The following CEACAM5 variants were observed in gnomAD, a reference collection of about 807,000 sequenced individuals.
The protein encoded by CEACAM5 is CEA cell adhesion molecule 5, also known as cell adhesion molecule CEACAM5.
A neutral mutation model predicts 63.0 loss-of-function variants in CEACAM5; 52 were observed. The ratio of observed to expected loss-of-function variants is 0.83; its 90% CI spans 0.66 to 1.04. The LOEUF is 1.04. Ranked by LOEUF, CEACAM5 falls within the 50% of genes least tolerant of loss-of-function variation. The pLI is 0.00. For synonymous variants in CEACAM5, 357 were observed against 351.3 expected (o/e 1.02, Z -0.18); for missense variants, 790 against 864.8 (o/e 0.91, Z 1.08).
At chr19:41,723,943 T>G (rs1410947964) in intron 8 of CEACAM5, among the ~76,000 whole-genome samples, 1 of 128,244 alleles carries the variant, frequency 7.8e-6, no homozygotes, top group Non-Finnish European at 1.6e-5. Context: ...AGCGAGACTC[T>G]GTCAAAAAAA....
intron 2 of CEACAM5, among the ~76,000 whole-genome samples, chr19:41,711,592 G>T (rs1353221621): frequency 1.3e-5 from 2 of 152,064 alleles, no homozygotes; most frequent in Non-Finnish European, 2.9e-5. Flanking sequence ...TGACTCTGGG[G>T]TTCCTTGGCC....
At chr19:41,720,741 C>T (rs1441367864) in intron 7 of CEACAM5, among the ~76,000 whole-genome samples, 181 bp from the exon 8 acceptor site, 1 of 152,144 alleles carries the variant, frequency 6.6e-6, no homozygotes, top group Non-Finnish European at 1.5e-5. Context: ...AACTCCTGAT[C>T]TGCCCGCCTC....
chr19:41,710,614 G>C lies in CEACAM5; in HGVS notation c.424+575G>C, dbSNP rs1386925395. On this transcript the variant is annotated intron_variant, in intron 2 of 9. Coordinates refer to ENST00000221992, the MANE Select transcript of CEACAM5 (RefSeq NM_004363.6). The stretch of plus-strand genomic sequence containing the variant: ...CTCATTTGGACAAGGACAGAGCCTT[G>C]TCCTTTACTTGAGACTCAATGTGGG... Among the ~76,000 whole-genome samples the C allele has an allele frequency of 2.6e-5, 4 of 152,264 alleles. No individual in the cohort carries two copies. The East Asian group carries it at 7.7e-4, about 29-fold the overall frequency.
chr19:41,720,500 C>CTTT (rs10713199), intron 7 of CEACAM5, among the ~76,000 whole-genome samples: 426 of 96,014 alleles, frequency 4.4e-3, no homozygotes, highest in East Asian at 0.012. Context: ...ATGGTTTGGA[C>CTTT]TTTTTTTTTT....
intron 8 of CEACAM5, among the ~76,000 whole-genome samples, chr19:41,722,687 TGAA>T (rs1555816448): frequency 6.6e-6 from 1 of 152,220 alleles, no homozygotes; most frequent in African/African-American, 2.4e-5. Flanking sequence ...TTGTTAAGGT[TGAA>T]GAACATTCCA....
intron 9 of CEACAM5, among the ~76,000 whole-genome samples, chr19:41,727,799 G>A (rs73047336): frequency 3.7e-4 from 56 of 152,268 alleles, no homozygotes; most frequent in Non-Finnish European, 6.8e-4. Flanking sequence ...CTACTGTGGT[G>A]TATTAGATAA....
rs369870451 is a variant in CEACAM5, at chr19:41,715,201, A to C, written c.655A>C (p.Asn219His). 2.7e-5 allele frequency: 44 copies of C among 1,614,108 alleles called. No individual in the cohort carries two copies. Among genetic ancestry groups the C allele is most frequent in the Non-Finnish European group, 3.6e-5 (43 of 1,180,054 alleles). Residue 219 changes from asparagine (N) to histidine (H), a missense_variant, in exon 3 of 10, where the codon AAC becomes CAC. By Grantham distance (68) the Asn-to-His change is moderately conservative (BLOSUM62 1). Coordinates refer to ENST00000221992, the MANE Select transcript of CEACAM5 (RefSeq NM_004363.6). The part of the protein sequence containing the change: ...DTASYKCETQ[N>H]PVSARRSDSV... ...AGCAAGCTACAAATGTGAAACCCAG[A>C]ACCCAGTGAGTGCCAGGCGCAGTGA...
At chr19:41,715,595 G>T in intron 3 of CEACAM5, 55 bp from the exon 4 acceptor site, 1 of 1,605,672 alleles carries the variant, frequency 6.2e-7, no homozygotes, top group South Asian at 1.1e-5. Context: ...CATAGACCAG[G>T]AACTTCCACT....
chr19:41,714,954 C>T lies in CEACAM5; in HGVS notation c.425-17C>T, dbSNP rs367655969. Reference sequence around the variant, plus strand: ...AAGGTGCCACACAGGGCAATCTTCTCTCTGTTATCTGCACAGCGGAGCTGC... The same window carrying T: ...AAGGTGCCACACAGGGCAATCTTCTTTCTGTTATCTGCACAGCGGAGCTGC... On this transcript the variant is annotated splice_polypyrimidine_tract_variant and intron_variant, in intron 2 of 9. Transcript: ENST00000221992. 109 of 1,613,990 alleles carry T rather than the reference C, an allele frequency of 6.8e-5. No homozygotes were observed. The highest frequency in any genetic ancestry group is 8.6e-5 in the Non-Finnish European group (101 of 1,179,988).
Position 41,721,086 on chromosome 19 carries a change from A to G in CEACAM5, c.1936A>G (p.Thr646Ala). The change falls in exon 8 of 10, where the codon ACG becomes GCG. Residue 646 changes from threonine to alanine, a missense_variant. Coordinates refer to ENST00000221992, the MANE Select transcript of CEACAM5 (RefSeq NM_004363.6). ...ACAAGTTCTCTTTATCGCCAAAATC[A>G]CGCCAAATAATAACGGGACCTATGC... Reference protein sequence around the residue: ...HTQVLFIAKITPNNNGTYACF... With the variant: ...HTQVLFIAKIAPNNNGTYACF... The G allele has an allele frequency of 1.9e-6, 3 of 1,614,222 alleles. No individual in the cohort carries two copies. Among genetic ancestry groups the G allele is most frequent in the Non-Finnish European group, 1.7e-6 (2 of 1,180,038 alleles).
At position 41,715,171 on chromosome 19, in the gene CEACAM5, G is replaced by T. The variant is rs1175282299; in HGVS notation, c.625G>T (p.Asp209Tyr). ...TLTLFNVTRN[D>Y]TASYKCETQN... is the part of the protein sequence containing the mutation. ...CACTCTATTCAATGTCACAAGAAATGACACAGCAAGCTACAAATGTGAAAC... is the reference window on the plus strand; with the variant it reads ...CACTCTATTCAATGTCACAAGAAATTACACAGCAAGCTACAAATGTGAAAC... Residue 209 changes from aspartate to tyrosine, a missense_variant, in exon 3 of 10, where the codon GAC becomes TAC. Physicochemically the swap from Asp to Tyr is radical, Grantham distance 160 (BLOSUM62 -3). Transcript: ENST00000221992. The T allele has an allele frequency of 3.1e-6, 5 of 1,614,042 alleles. No homozygotes were observed. Among genetic ancestry groups the T allele is most frequent in the Non-Finnish European group, 4.2e-6 (5 of 1,180,040 alleles).
At position 41,724,806 on chromosome 19, in the gene CEACAM5, G is replaced by A. The variant is rs145179125; in HGVS notation, c.2027-2428G>A. Among the ~76,000 whole-genome samples the A allele has an allele frequency of 3.4e-3, 521 of 152,294 alleles. 2 individuals are homozygous for A. The highest frequency in any genetic ancestry group is 0.012 in the African/African-American group (489 of 41,562). ...GTGTAGAAGTACAACTGATGTTTGC[G>A]TGTTGATTTTGTATCCTGCAACATC... On this transcript the variant is annotated intron_variant, in intron 8 of 9. Transcript: ENST00000221992.
rs1232759988 is a variant in CEACAM5 at position 41,715,192 on chromosome 19, G to A, written c.646G>A (p.Glu216Lys). 3.7e-6 allele frequency: 6 copies of A among 1,614,102 alleles called. No individual in the cohort carries two copies. Among genetic ancestry groups the A allele is most frequent in the Non-Finnish European group, 5.1e-6 (6 of 1,180,052 alleles). ...TRNDTASYKC[E>K]TQNPVSARRS... ...AAATGACACAGCAAGCTACAAATGT[G>A]AAACCCAGAACCCAGTGAGTGCCAG... The change falls in exon 3 of 10, where the codon GAA becomes AAA. Residue 216 changes from glutamate to lysine, a missense_variant. By Grantham distance (56) the Glu-to-Lys change is moderately conservative. Coordinates refer to ENST00000221992, the MANE Select transcript of CEACAM5 (RefSeq NM_004363.6).
intron 2 of CEACAM5, among the ~76,000 whole-genome samples, chr19:41,714,086 G>A (rs1555814464): frequency 6.6e-6 from 1 of 151,970 alleles, no homozygotes. Context: ...GTGGTGGTGG[G>A]CGCCTGTAGT....
At position 41,717,449 on chromosome 19, in the gene CEACAM5, G is replaced by T. The variant is rs2122800084; in HGVS notation, c.959-6G>T. 1 of 1,611,044 alleles carries T rather than the reference G, an allele frequency of 6.2e-7. No homozygotes were observed. Among genetic ancestry groups the T allele is most frequent in the Non-Finnish European group, 8.5e-7 (1 of 1,178,282 alleles). On this transcript the variant is annotated splice_polypyrimidine_tract_variant and splice_region_variant and intron_variant, in intron 4 of 9. Transcript: ENST00000221992. ...CAGGGCAATCTTCTCTCTGTTATCT[G>T]CACAGCAGAGCCACCCAAACCCTTC... is the stretch of plus-strand genomic sequence containing the variant.
At chr19:41,719,742 A>G (rs1264994534) in intron 6 of CEACAM5, among the ~76,000 whole-genome samples, 188 bp from the exon 7 acceptor site, 1 of 152,120 alleles carries the variant, frequency 6.6e-6, no homozygotes, top group East Asian at 1.9e-4. Context: ...CCCCCACACA[A>G]AGCAGCCGGC....
At chr19:41,712,041 G>T (rs781867063) in intron 2 of CEACAM5, among the ~76,000 whole-genome samples, 1 of 152,200 alleles carries the variant, frequency 6.6e-6, no homozygotes, top group Non-Finnish European at 1.5e-5. Context: ...GCCAACACAC[G>T]GAACAGGCAG....
At position 41,720,378 on chromosome 19, in the gene CEACAM5, C is replaced by T. The variant is rs538648987; in HGVS notation, c.1771+170C>T. Among the ~76,000 whole-genome samples the T allele has an allele frequency of 1.1e-4, 17 of 152,216 alleles. No homozygotes were observed. The South Asian group carries it at 2.7e-3, about 24-fold the overall frequency. ...AAAATTTGGGCAACCTCAGCCTGGA[C>T]CAAGAATAGGAGGGGAGAGGCTGCT... On this transcript the variant is annotated intron_variant, in intron 7 of 9. Coordinates refer to ENST00000221992, the MANE Select transcript of CEACAM5 (RefSeq NM_004363.6).
At chr19:41,718,891 C>A (rs1555815610) in intron 6 of CEACAM5, among the ~76,000 whole-genome samples, 1 of 152,262 alleles carries the variant, frequency 6.6e-6, no homozygotes, top group East Asian at 1.9e-4. Context: ...ACTGGCCCTG[C>A]CCTGATTTCA....
Sources: gnomAD v4.1 joint callset for allele counts (sites outside exome capture counted in the v4.1 genomes callset) on GRCh38, gnomAD v4.1.1 for gene constraint, MANE v1.5 for transcripts, NCBI Gene and HGNC (gene_info 2026-07-23, HGNC 2026-07-21) for gene names.